SLC22A14: variants seen among roughly 807,000 people sequenced by gnomAD.
SLC22A14 encodes the protein solute carrier family 22 member 14.
SLC22A14 carries 50 observed loss-of-function variants against 53.9 expected under a neutral mutation model. That is an observed-to-expected ratio of 0.93 (90% CI 0.74 to 1.17). The LOEUF is 1.17. Ranked by LOEUF, SLC22A14 falls within the 50% of genes most tolerant of loss-of-function variation. SLC22A14 has a pLI of 0.00. For synonymous variants in SLC22A14, 312 were observed against 303.0 expected, an observed-to-expected ratio of 1.03 and a Z score of -0.31; for missense variants, 671 against 734.7, an observed-to-expected ratio of 0.91 and a Z score of 1.00.
intron 1 of SLC22A14, among the ~76,000 whole-genome samples, chr3:38,301,987 C>T (rs1003519885): frequency 2.0e-5 from 3 of 151,148 alleles, no homozygotes; most frequent in Non-Finnish European, 4.4e-5. Flanking sequence ...AATCCCAGCA[C>T]CTTGGGAGGC....
rs143844766 is a variant in SLC22A14, at chr3:38,317,629, C to T, written c.1734-569C>T. ...GTGCCGCAACTTCCTAGTGTGTGCA[C>T]GGAGAAGTTACCTCATACCTCTGAG... On this transcript the variant is annotated intron_variant, in intron 10 of 10. Transcript: ENST00000448498. Among the ~76,000 whole-genome samples, 642 of 152,242 alleles carry T rather than the reference C, an allele frequency of 4.2e-3. 2 individuals are homozygous for T. Among genetic ancestry groups the T allele is most frequent in the Middle Eastern group, 0.014 (4 of 294 alleles).
chr3:38,290,936 T>G (rs1703900947), intron 1 of SLC22A14, among the ~76,000 whole-genome samples: 1 of 152,230 alleles, frequency 6.6e-6, no homozygotes, highest in Admixed American at 6.5e-5. Context: ...CTCTTTAGGT[T>G]TCTGTACAGC....
rs368692316 is a variant in SLC22A14 at position 38,315,729 on chromosome 3, C to T, written c.1532+18C>T. On this transcript the variant is annotated intron_variant, in intron 9 of 10. Coordinates refer to ENST00000448498, the MANE Select transcript of SLC22A14 (RefSeq NM_001320033.2). ...GTGCTCAGGTATGGGGTCTGGTGGG[C>T]GAGGGGGCCATGGGGACATGCGCAG... is the stretch of plus-strand genomic sequence containing the variant. The T allele has an allele frequency of 5.2e-5, 83 of 1,607,332 alleles. No individual in the cohort carries two copies. The highest frequency in any genetic ancestry group is 1.7e-4 in the Middle Eastern group (1 of 6,038).
intron 1 of SLC22A14, among the ~76,000 whole-genome samples, chr3:38,297,443 AT>A (rs199800505): frequency 6.7e-5 from 10 of 149,094 alleles, no homozygotes; most frequent in Middle Eastern, 3.5e-3. Flanking sequence ...TGGTGGTGGG[AT>A]TTTTTTTTTA....
intron 1 of SLC22A14, among the ~76,000 whole-genome samples, chr3:38,283,552 G>A (rs774623088): frequency 4.6e-5 from 7 of 152,164 alleles, no homozygotes; most frequent in Non-Finnish European, 7.3e-5. Context: ...AGCAGGAGCC[G>A]GGTGCAGTGG....
Position 38,313,050 on chromosome 3 carries a change from G to T in SLC22A14, c.996G>T (p.Glu332Asp). The change falls in exon 6 of 11, where the codon GAG becomes GAT. Residue 332 changes from glutamate (E) to aspartate (D), a missense_variant. Physicochemically the swap from Glu to Asp is conservative, Grantham distance 45. Coordinates refer to ENST00000448498, the MANE Select transcript of SLC22A14 (RefSeq NM_001320033.2). ...TGATGATGAAAGGGAAGGTGAAGGA[G>T]GCCAAGCAGGTGCTGTGCTACGCCG... ...RWLMMKGKVK[E>D]AKQVLCYAAS... 6.3e-7 allele frequency: 1 copy of T among 1,597,804 alleles called. No individual in the cohort carries two copies.
chr3:38,288,639 C>T (rs1703842203), intron 1 of SLC22A14, among the ~76,000 whole-genome samples: 1 of 151,446 alleles, frequency 6.6e-6, no homozygotes, highest in African/African-American at 2.4e-5. Context: ...GTGTCTTGTA[C>T]ATATTTTGTT....
intron 1 of SLC22A14, among the ~76,000 whole-genome samples, chr3:38,286,720 T>G: frequency 7.8e-6 from 1 of 127,992 alleles, no homozygotes; most frequent in Non-Finnish European, 1.6e-5. Context: ...CCCTGATTTG[T>G]GTGGGTTTTT....
chr3:38,301,067 C>G (rs73825515), intron 1 of SLC22A14, among the ~76,000 whole-genome samples: 9,740 of 152,128 alleles, frequency 0.064, 366 homozygotes, highest in East Asian at 0.16. Context: ...ATTTCTCCCC[C>G]CTCAGCCTCC....
intron 1 of SLC22A14, among the ~76,000 whole-genome samples, chr3:38,302,246 G>GTA (rs1421116165): frequency 1.1e-4 from 11 of 101,514 alleles, no homozygotes; most frequent in South Asian, 3.4e-4. Context: ...AAAAAAAAAA[G>GTA]TATATATATA....
chr3:38,291,572 G>T (rs1270821124), intron 1 of SLC22A14, among the ~76,000 whole-genome samples: 1 of 152,186 alleles, frequency 6.6e-6, no homozygotes, highest in East Asian at 1.9e-4. Context: ...TGCTACTGCC[G>T]CCACTACCCG....
intron 1 of SLC22A14, among the ~76,000 whole-genome samples, chr3:38,289,155 G>T (rs1324716454): frequency 7.7e-6 from 1 of 130,710 alleles, no homozygotes; most frequent in African/African-American, 2.8e-5. Context: ...TCCAACCTGG[G>T]TGACAGAGTG....
chr3:38,303,169 T>C (rs1704210468), intron 1 of SLC22A14, among the ~76,000 whole-genome samples: 1 of 152,148 alleles, frequency 6.6e-6, no homozygotes, highest in Non-Finnish European at 1.5e-5. Flanking sequence ...TATTAATCTA[T>C]TCAAGGAACT....
chr3:38,297,858 C>T (rs984036390), intron 1 of SLC22A14, among the ~76,000 whole-genome samples: 2 of 152,176 alleles, frequency 1.3e-5, no homozygotes, highest in Non-Finnish European at 2.9e-5. Flanking sequence ...TAGTGAGACA[C>T]ACTCTGATAT....
chr3:38,316,226 GT>G, intron 9 of SLC22A14, 97 bp from the exon 10 acceptor site: 1 of 1,019,722 alleles, frequency 9.8e-7, no homozygotes, highest in Non-Finnish European at 1.5e-6. Context: ...ATGGGACAGG[GT>G]GGAGACTGGA....
At chr3:38,308,838 G>A in intron 4 of SLC22A14, 116 bp from the exon 5 acceptor site, 1 of 918,374 alleles carries the variant, frequency 1.1e-6, no homozygotes, top group Middle Eastern at 3.4e-4. Flanking sequence ...AGCAGAAGAA[G>A]CTTTGCCTGA....
chr3:38,298,092 A>G (rs923541403), intron 1 of SLC22A14, among the ~76,000 whole-genome samples: 2 of 152,158 alleles, frequency 1.3e-5, no homozygotes, highest in East Asian at 1.9e-4. Flanking sequence ...TATTTATTCT[A>G]TGGGTTATAA....
chr3:38,318,374 G>A lies in SLC22A14; in HGVS notation c.*125G>A, dbSNP rs1704678479. The A allele has an allele frequency of 6.7e-6, 6 of 901,804 alleles. No homozygotes were observed. The highest frequency in any genetic ancestry group is 1.8e-5 in the Admixed American group (1 of 54,458). The allele number at this position is 901,804 out of a possible 1,614,324, so 55.9% of individuals were successfully genotyped here. ...AAACAGCCAGGCTCCCTGAGGGCCA[G>A]GCCCCCAGACCATCTTGGGTTGGAA... is the stretch of plus-strand genomic sequence containing the variant. On this transcript the variant is annotated 3_prime_UTR_variant, in exon 11 of 11. Transcript: ENST00000448498.
intron 1 of SLC22A14, among the ~76,000 whole-genome samples, chr3:38,292,193 C>A (rs1703927126): frequency 6.6e-6 from 1 of 152,178 alleles, no homozygotes. Context: ...GGTATGAGAA[C>A]TGGCTCAAGT....
Sources: allele counts gnomAD v4.1 joint callset (sites outside exome capture counted in the v4.1 genomes callset), GRCh38; gene constraint gnomAD v4.1.1; transcripts MANE v1.5; gene names NCBI Gene and HGNC (gene_info 2026-07-23, HGNC 2026-07-21).